The following ADCY8 variants were observed in gnomAD, a reference collection of about 807,000 sequenced individuals.
The protein encoded by ADCY8 is adenylate cyclase 8, also known as adenylate cyclase type 8.
Under a neutral mutation model 119.7 loss-of-function variants are expected in ADCY8, and 51 were observed. The observed-to-expected ratio is 0.43, with a 90% confidence interval of 0.34 to 0.54. ADCY8 has a LOEUF of 0.54. Among genes scored for constraint, ADCY8 ranks in the 20% least tolerant of loss-of-function variants. The probability of loss-of-function intolerance (pLI) is 0.03; values close to 1 mark genes in which losing one functional copy is unlikely to be tolerated. For synonymous variants in ADCY8, 665 were observed against 651.0 expected, an observed-to-expected ratio of 1.02 and a Z score of -0.33; for missense variants, 1,383 against 1,598.8, an observed-to-expected ratio of 0.87 and a Z score of 2.30.
chr8:130,832,784 TAAG>T (rs2130248571), intron 12 of ADCY8, among the ~76,000 whole-genome samples: 1 of 152,234 alleles, frequency 6.6e-6, no homozygotes, highest in East Asian at 1.9e-4. Context: ...GCTTCTCTCA[TAAG>T]AAGGAGAGAG....
intron 8 of ADCY8, among the ~76,000 whole-genome samples, chr8:130,880,561 A>G (rs1362618253): frequency 6.6e-6 from 1 of 152,190 alleles, no homozygotes; most frequent in Non-Finnish European, 1.5e-5. Flanking sequence ...AGAAGGGCAA[A>G]TGATTCATCT....
At position 131,039,492 on chromosome 8, in the gene ADCY8, G is replaced by A; in HGVS notation, c.842C>T (p.Thr281Ile). 2 of 1,614,070 alleles carry A rather than the reference G, an allele frequency of 1.2e-6. No homozygotes were observed. The highest frequency in any genetic ancestry group is 1.7e-6 in the Non-Finnish European group (2 of 1,180,032). Residue 281 changes from threonine (T) to isoleucine (I), a missense_variant, in exon 1 of 18, where the codon ACC becomes ATC. This residue lies in a region of ADCY8 where 455 missense variants were observed against 435.3 expected (regional missense o/e 1.05). Coordinates refer to ENST00000286355, the MANE Select transcript of ADCY8 (RefSeq NM_001115.3). ...IGYVLFTLFA[T>I]YSMLPLPLTW... is the part of the protein sequence containing the mutation. Reference sequence around the variant, plus strand: ...GAGCGGCAGCGGCAGCATACTGTAGGTGGCGAAGAGCGTGAAGAGCACGTA... The same window carrying A: ...GAGCGGCAGCGGCAGCATACTGTAGATGGCGAAGAGCGTGAAGAGCACGTA...
intron 2 of ADCY8, among the ~76,000 whole-genome samples, chr8:130,985,144 G>T (rs1319563990): frequency 6.6e-6 from 1 of 152,122 alleles, no homozygotes; most frequent in East Asian, 1.9e-4. Flanking sequence ...CAAGGAAAGG[G>T]GGTTGGGGGG....
intron 15 of ADCY8, among the ~76,000 whole-genome samples, chr8:130,786,280 A>C (rs1385266741): frequency 6.6e-6 from 1 of 152,170 alleles, no homozygotes; most frequent in Non-Finnish European, 1.5e-5. Flanking sequence ...TGAATGATTA[A>C]ATGAAGGAAT....
At position 130,926,434 on chromosome 8, in the gene ADCY8, A is replaced by C. The variant is rs185166246; in HGVS notation, c.1481+10639T>G. ...CTTTTGATTGACTTGACTCTTGCCC[A>C]CTTTGCATTTAAAAAATATTTTTTA... is the stretch of plus-strand genomic sequence containing the variant. On this transcript the variant is annotated intron_variant, in intron 5 of 17. Coordinates refer to ENST00000286355, the MANE Select transcript of ADCY8 (RefSeq NM_001115.3). Among the ~76,000 whole-genome samples, 155 of 152,234 alleles carry C rather than the reference A, an allele frequency of 1.0e-3. 1 individual carries two copies. The highest frequency in any genetic ancestry group is 1.5e-3 in the Non-Finnish European group (104 of 68,008).
chr8:130,815,981 G>T (rs1318875926), intron 13 of ADCY8, among the ~76,000 whole-genome samples: 1 of 152,230 alleles, frequency 6.6e-6, no homozygotes, highest in Non-Finnish European at 1.5e-5. Context: ...TTTTACTGCA[G>T]TTCTGCGTAT....
At chr8:130,850,417 C>CTCGG (rs1817484815) in intron 9 of ADCY8, among the ~76,000 whole-genome samples, 1 of 152,146 alleles carries the variant, frequency 6.6e-6, no homozygotes, top group Middle Eastern at 3.2e-3. Flanking sequence ...GACACCTGTG[C>CTCGG]TCGGTGTCAG....
chr8:130,871,962 G>A (rs947958229), intron 8 of ADCY8, among the ~76,000 whole-genome samples: 1 of 151,742 alleles, frequency 6.6e-6, no homozygotes, highest in Non-Finnish European at 1.5e-5. Flanking sequence ...ACACACGCAC[G>A]TGCACACACA....
chr8:131,034,017 G>A (rs1824073803), intron 1 of ADCY8, among the ~76,000 whole-genome samples: 1 of 151,984 alleles, frequency 6.6e-6, no homozygotes, highest in Admixed American at 6.6e-5. Flanking sequence ...AAAATGTACA[G>A]AAATGGAGAT....
intron 2 of ADCY8, among the ~76,000 whole-genome samples, chr8:130,973,100 A>G (rs1222738391): frequency 7.9e-5 from 12 of 152,208 alleles, no homozygotes; most frequent in Admixed American, 7.9e-4. Context: ...AGTCACAACT[A>G]TCTACAGTAT....
chr8:130,814,017 C>T, intron 14 of ADCY8, 52 bp downstream of exon 14: 1 of 1,603,116 alleles, frequency 6.2e-7, no homozygotes. Flanking sequence ...TGAACAACTG[C>T]ACATCACCCA....
intron 1 of ADCY8, among the ~76,000 whole-genome samples, chr8:131,033,540 G>A (rs1399363005): frequency 6.6e-6 from 1 of 152,114 alleles, no homozygotes; most frequent in Non-Finnish European, 1.5e-5. Context: ...GCTGATAACA[G>A]TCAGGTGATA....
intron 5 of ADCY8, among the ~76,000 whole-genome samples, chr8:130,919,273 A>G (rs952359281): frequency 2.6e-5 from 4 of 151,872 alleles, no homozygotes; most frequent in African/African-American, 9.7e-5. Flanking sequence ...CTGGCCAAAG[A>G]TTTTTGTGTG....
chr8:130,988,726 A>G (rs772023569), intron 2 of ADCY8, among the ~76,000 whole-genome samples: 1 of 152,164 alleles, frequency 6.6e-6, no homozygotes, highest in Non-Finnish European at 1.5e-5. Context: ...GATTAGAGAG[A>G]ATGGTGGATG....
intron 15 of ADCY8, among the ~76,000 whole-genome samples, chr8:130,795,711 A>C (rs556872638): frequency 6.6e-6 from 1 of 152,318 alleles, no homozygotes; most frequent in Admixed American, 6.5e-5. Flanking sequence ...GGGCTAAGAA[A>C]CTTGGAAAAT....
chr8:130,845,512 A>C (rs1009302761), intron 11 of ADCY8, among the ~76,000 whole-genome samples: 3 of 152,124 alleles, frequency 2.0e-5, no homozygotes, highest in Non-Finnish European at 4.4e-5. Context: ...GGAAACGAAA[A>C]CCAGCTTTCG....
chr8:130,903,153 G>T (rs557138725), intron 7 of ADCY8, among the ~76,000 whole-genome samples: 24 of 152,132 alleles, frequency 1.6e-4, no homozygotes, highest in African/African-American at 5.5e-4. Flanking sequence ...AAAGAATTTT[G>T]GTTATTGGTG....
At chr8:130,866,612 C>G (rs567970194) in intron 9 of ADCY8, among the ~76,000 whole-genome samples, 2 of 152,308 alleles carry the variant, frequency 1.3e-5, no homozygotes, top group Non-Finnish European at 2.9e-5. Flanking sequence ...TTTTTCCTCT[C>G]TCATCTTAGT....
At chr8:130,922,750 G>A (rs995576287) in intron 5 of ADCY8, among the ~76,000 whole-genome samples, 1 of 152,042 alleles carries the variant, frequency 6.6e-6, no homozygotes, top group Admixed American at 6.6e-5. Flanking sequence ...GGTGGTGGCC[G>A]GGCAGATAAA....
Sources: gnomAD v4.1 joint callset for allele counts (sites outside exome capture counted in the v4.1 genomes callset) on GRCh38, gnomAD v4.1.1 for gene constraint, gnomAD v4.1.1 regional missense constraint, MANE v1.5 for transcripts, NCBI Gene and HGNC (gene_info 2026-07-23, HGNC 2026-07-21) for gene names.